CROCC: variants seen among roughly 807,000 people sequenced by gnomAD.
The protein encoded by CROCC is rootletin.
Under a neutral mutation model 245.2 loss-of-function variants are expected in CROCC, and 180 were observed. That is an observed-to-expected ratio of 0.73 (90% CI 0.65 to 0.83). The LOEUF is 0.83. CROCC is among the 40% of genes least tolerant of loss of function. The pLI, the probability that CROCC is intolerant of heterozygous loss-of-function variation, is 0.00. For missense variants in CROCC, 2,688 were observed against 2,779.4 expected (o/e 0.97, Z 0.74); for synonymous variants, 1,205 against 1,241.6 (o/e 0.97, Z 0.62).
At position 16,954,885 on chromosome 1, in the gene CROCC, G is replaced by A; in HGVS notation, c.3465+8G>A. 1 of 1,519,150 alleles carries A rather than the reference G, an allele frequency of 6.6e-7. No homozygotes were observed. The highest frequency in any genetic ancestry group is 8.9e-7 in the Non-Finnish European group (1 of 1,124,624). The allele number at this position is 1,519,150 out of a possible 1,614,324, so 94.1% of individuals were successfully genotyped here. A position where few individuals can be genotyped will look rare whatever the true frequency, so the allele number is the denominator to read the frequency against. ...GACTCCTGTCTTCGCGAGGTGAGCA[G>A]CCGCCCCCCTCTTCCAAGCAGCATA... On this transcript the variant is annotated splice_region_variant and intron_variant, in intron 23 of 36. Transcript: ENST00000375541. This position sits in a 1 kb window ranked among gnomAD's most constrained non-coding sequence, Gnocchi z 4.4.
intron 19 of CROCC, among the ~76,000 whole-genome samples, chr1:16,950,660 G>A (rs540383951): frequency 5.9e-5 from 9 of 152,234 alleles, no homozygotes; most frequent in Non-Finnish European, 1.3e-4. Context: ...ACCTGACCTA[G>A]GGTTGTTATA....
rs868559006 is a variant in CROCC, at chr1:16,956,109, C to A, written c.3817C>A (p.Arg1273Ser). ...ELRTGLQEVE[R>S]SRLEARRELQ... ...GCGAACTGGGCTGCAGGAGGTGGAG[C>A]GCTCACGGCTGGAGGCTCGGCGGGA... Residue 1273 changes from arginine (R) to serine (S), a missense_variant, in exon 25 of 37, where the codon CGC (arginine) becomes AGC (serine). Physicochemically the swap from Arg to Ser is moderately radical, Grantham distance 110 (BLOSUM62 -1). Coordinates refer to ENST00000375541, the MANE Select transcript of CROCC (RefSeq NM_014675.5). The A allele has an allele frequency of 6.5e-7, 1 of 1,550,056 alleles. No individual in the cohort carries two copies. Among genetic ancestry groups the A allele is most frequent in the Non-Finnish European group, 8.7e-7 (1 of 1,146,488 alleles).
Position 16,948,452 on chromosome 1 carries a change from C to T in CROCC, c.2636C>T (p.Ala879Val), listed in dbSNP as rs771676738. Residue 879 changes from alanine to valine, a missense_variant, in exon 18 of 37, where the codon GCT becomes GTT. Transcript: ENST00000375541. ...REKEALAKEH[A>V]GLAVQLVAAE... ...AAGGAGGCGCTAGCCAAGGAGCACG[C>T]TGGCCTGGCTGTGCAGCTGGTGGCT... 1 of 1,561,632 alleles carries T rather than the reference C, an allele frequency of 6.4e-7. No individual in the cohort carries two copies. Among genetic ancestry groups the T allele is most frequent in the Non-Finnish European group, 8.7e-7 (1 of 1,154,638 alleles).
chr1:16,946,886 C>A lies in CROCC; in HGVS notation c.2409C>A (p.Gly803=). 1 of 1,563,040 alleles carries A rather than the reference C, an allele frequency of 6.4e-7. No homozygotes were observed. Among genetic ancestry groups the A allele is most frequent in the East Asian group, 2.4e-5 (1 of 42,058 alleles). Residue 803 remains glycine (G), a synonymous_variant, in exon 17 of 37, where the codon GGC becomes GGA. Transcript: ENST00000375541. ...LRLEQEVARQ[G]LEGSLRVAEQ... Reference sequence around the variant, plus strand: ...TGGAGCAGGAGGTGGCGCGGCAGGGCCTGGAGGGCTCCCTACGAGTGGCGG... The same window carrying A: ...TGGAGCAGGAGGTGGCGCGGCAGGGACTGGAGGGCTCCCTACGAGTGGCGG...
rs1333616267 is a variant in CROCC at position 16,965,732 on chromosome 1, A to T, written c.4415A>T (p.Glu1472Val). ...ARDAPAEGSG[E>V]GLNSPSTLEC... Reference sequence around the variant, plus strand: ...CTTCTTTCTCTTCTAGGAAGCGGGGAAGGGCTCAACAGCCCCAGCACCTTA... The same window carrying T: ...CTTCTTTCTCTTCTAGGAAGCGGGGTAGGGCTCAACAGCCCCAGCACCTTA... The change falls in exon 28 of 37, where the codon GAA becomes GTA. Residue 1472 changes from glutamate to valine, a missense_variant. By Grantham distance (121) the Glu-to-Val change is moderately radical (BLOSUM62 -2). This residue lies in a region of CROCC where 1,218 missense variants were observed against 1,286.3 expected (regional missense o/e 0.95). Coordinates refer to ENST00000375541, the MANE Select transcript of CROCC (RefSeq NM_014675.5). 6.2e-7 allele frequency: 1 copy of T among 1,606,680 alleles called. No individual in the cohort carries two copies. The highest frequency in any genetic ancestry group is 1.3e-5 in the African/African-American group (1 of 74,678).
intron 27 of CROCC, among the ~76,000 whole-genome samples, chr1:16,964,034 G>A (rs1321593102): frequency 2.0e-5 from 3 of 151,974 alleles, no homozygotes; most frequent in Non-Finnish European, 4.4e-5. Flanking sequence ...CTGACCTCAG[G>A]TGATCTGCCC....
intron 2 of CROCC, among the ~76,000 whole-genome samples, chr1:16,923,539 C>T (rs1340577776): frequency 6.6e-6 from 1 of 152,272 alleles, no homozygotes; most frequent in East Asian, 1.9e-4. Flanking sequence ...TTTCCCTCTT[C>T]TCTCTTTCTC....
At chr1:16,922,939 T>G (rs568081216) in intron 2 of CROCC, 141 bp downstream of exon 2, 1 of 1,289,960 alleles carries the variant, frequency 7.8e-7, no homozygotes, top group Non-Finnish European at 1.1e-6. Flanking sequence ...AAGAACCCAT[T>G]TTACAGATGA....
At chr1:16,915,295 G>T (rs898920958) in intron 1 of CROCC, among the ~76,000 whole-genome samples, 1 of 152,282 alleles carries the variant, frequency 6.6e-6, no homozygotes, top group African/African-American at 2.4e-5. Context: ...AACATCCTAT[G>T]TTATTACTTG....
chr1:16,971,503 C>CCAGCTGGAGGTGGATGCGCAGCAGCAG lies in CROCC; in HGVS notation c.5833_5859dup (p.Val1945_Glu1953dup). 1 of 1,537,090 alleles carries CCAGCTGGAGGTGGATGCGCAGCAGCAG rather than the reference C, an allele frequency of 6.5e-7. No individual in the cohort carries two copies. The highest frequency in any genetic ancestry group is 8.7e-7 in the Non-Finnish European group (1 of 1,146,428). ...TGCTGGAGCAGAGCCACAGCCCGGC[C>CCAGCTGGAGGTGGATGCGCAGCAGCAG]CAGCTGGAGGTGGATGCGCAGCAGC... On this transcript the variant is annotated inframe_insertion, in exon 36 of 37. Coordinates refer to ENST00000375541, the MANE Select transcript of CROCC (RefSeq NM_014675.5).
At chr1:16,970,548 G>T in intron 34 of CROCC, 88 bp from the exon 35 acceptor site, 2 of 1,475,740 alleles carry the variant, frequency 1.4e-6, no homozygotes, top group South Asian at 2.8e-5. Context: ...CTCTGGTGGG[G>T]TTAGGTTATT....
At chr1:16,918,738 G>GTTT (rs68022839), upstream of CROCC, among the ~76,000 whole-genome samples, 3,451 of 143,842 alleles carry the variant, frequency 0.024, 29 homozygotes, top group Middle Eastern at 0.037. Context: ...TTAGTTTTTT[G>GTTT]TTTTTGTTTT....
chr1:16,945,719 C>A lies in CROCC; in HGVS notation c.2136+113C>A. 8.1e-6 allele frequency: 9 copies of A among 1,112,428 alleles called. No homozygotes were observed. In the South Asian group the frequency reaches 1.4e-4, roughly 18 times the overall value. The allele number at this position is 1,112,428 out of a possible 1,614,324, so 68.9% of individuals were successfully genotyped here. Reference sequence around the variant, plus strand: ...TCAGGCAGACCTCTGAGCCTGGTCACAGACTGACCCCTTCCTTCTGGATAC... The same window carrying A: ...TCAGGCAGACCTCTGAGCCTGGTCAAAGACTGACCCCTTCCTTCTGGATAC... On this transcript the variant is annotated intron_variant, in intron 15 of 36. Coordinates refer to ENST00000375541, the MANE Select transcript of CROCC (RefSeq NM_014675.5).
intron 17 of CROCC, among the ~76,000 whole-genome samples, chr1:16,947,491 A>ATAATAATAC: frequency 6.6e-6 from 1 of 150,996 alleles, no homozygotes; most frequent in Non-Finnish European, 1.5e-5. Context: ...AATAATAATA[A>ATAATAATAC]TAATAATAAT....
intron 30 of CROCC, among the ~76,000 whole-genome samples, chr1:16,967,292 G>T (rs771274400): frequency 6.6e-6 from 1 of 152,090 alleles, no homozygotes; most frequent in African/African-American, 2.4e-5. Flanking sequence ...GTGTATGTGC[G>T]TCTGTCGGGC....
intron 25 of CROCC, among the ~76,000 whole-genome samples, chr1:16,956,957 T>C (rs918369687): frequency 6.6e-6 from 1 of 152,190 alleles, no homozygotes; most frequent in Non-Finnish European, 1.5e-5. Context: ...ATTCAGCCCC[T>C]AGGCGCTGCC....
chr1:16,931,233 T>A (rs550441796), intron 7 of CROCC, 58 bp from the exon 8 acceptor site: 3 of 1,449,084 alleles, frequency 2.1e-6, no homozygotes, highest in Non-Finnish European at 2.9e-6. Context: ...AGGGAAGCAG[T>A]GGGAGGGAGT....
intron 13 of CROCC, chr1:16,941,207 G>C (rs2075924290): frequency 1.9e-5 from 3 of 154,182 alleles, no homozygotes; most frequent in Non-Finnish European, 4.3e-5. Flanking sequence ...ATTCAGGCTG[G>C]GTGTGGTGGC....
Position 16,938,384 on chromosome 1 carries a change from C to T in CROCC, c.1291-16C>T. On this transcript the variant is annotated splice_polypyrimidine_tract_variant and intron_variant, in intron 10 of 36. Transcript: ENST00000375541. ...CAGAACCCCAACCACCCTTTGTCTCCCTAACCGCACTCCAGGAATCCCTGC... is the reference window on the plus strand; with the variant it reads ...CAGAACCCCAACCACCCTTTGTCTCTCTAACCGCACTCCAGGAATCCCTGC... The T allele has an allele frequency of 6.4e-7, 1 of 1,552,420 alleles. No individual in the cohort carries two copies. The highest frequency in any genetic ancestry group is 1.2e-5 in the South Asian group (1 of 84,018).
Sources: gnomAD v4.1 joint callset for allele counts (sites outside exome capture counted in the v4.1 genomes callset) on GRCh38, gnomAD v4.1.1 for gene constraint, gnomAD v4.1.1 regional missense constraint, Gnocchi (gnomAD v3.1) non-coding constraint, MANE v1.5 for transcripts, NCBI Gene and HGNC (gene_info 2026-07-23, HGNC 2026-07-21) for gene names.